Variants in CFAP299 observed in about 807,000 individuals in gnomAD.
CFAP299 encodes the protein cilia- and flagella-associated protein 299.
A neutral mutation model predicts 27.0 loss-of-function variants in CFAP299; 21 were observed. That is an observed-to-expected ratio of 0.78 (90% CI 0.55 to 1.12). The LOEUF (loss-of-function observed/expected upper bound fraction) is 1.12, where lower values mean the gene tolerates loss of function less well. Ranked by LOEUF, CFAP299 falls within the 50% of genes most tolerant of loss-of-function variation. The probability of loss-of-function intolerance (pLI) is 0.00; values close to 1 mark genes in which losing one functional copy is unlikely to be tolerated. For synonymous variants in CFAP299, 104 were observed against 98.1 expected (o/e 1.06, Z -0.36); for missense variants, 310 against 276.6 (o/e 1.12, Z -0.86).
chr4:80,414,570 C>T (rs915350824), intron 2 of CFAP299, among the ~76,000 whole-genome samples: 5 of 152,108 alleles, frequency 3.3e-5, no homozygotes, highest in African/African-American at 9.7e-5. Flanking sequence ...ATTTTCAAAG[C>T]GTTTTGTTGT....
intron 4 of CFAP299, among the ~76,000 whole-genome samples, chr4:80,901,168 G>A (rs899466108): frequency 5.3e-5 from 8 of 152,090 alleles, no homozygotes; most frequent in East Asian, 3.8e-4. Context: ...GTGCACAGGC[G>A]TTATGGAGGG....
In CFAP299 at chr4:80,390,938, T is replaced by TGTATATATGTATAC. The variant is rs1202189489; in HGVS notation, c.242+28054_242+28055insGTATATATGTATAC. Among the ~76,000 whole-genome samples, 24 of 32,940 alleles carry TGTATATATGTATAC rather than the reference T, an allele frequency of 7.3e-4. 1 individual carries two copies. The highest frequency in any genetic ancestry group is 1.3e-3 in the Admixed American group (3 of 2,366). The allele number at this position is 32,940 out of a possible 152,430, so 21.6% of individuals were successfully genotyped here. ...ATACACACATATGTATATATGTATA[T>TGTATATATGTATAC]ATGTATGTACACACATGTATATATG... On this transcript the variant is annotated intron_variant, in intron 2 of 5. Coordinates refer to ENST00000358105, the MANE Select transcript of CFAP299 (RefSeq NM_152770.3).
At chr4:80,534,161 A>T (rs922232247) in intron 2 of CFAP299, among the ~76,000 whole-genome samples, 1 of 151,908 alleles carries the variant, frequency 6.6e-6, no homozygotes, top group African/African-American at 2.4e-5. Flanking sequence ...AGGGAATTTT[A>T]TTTTTCTTAT....
At chr4:80,539,645 G>A (rs1733908220) in intron 2 of CFAP299, among the ~76,000 whole-genome samples, 1 of 152,160 alleles carries the variant, frequency 6.6e-6, no homozygotes, top group South Asian at 2.1e-4. Context: ...TGGAGAATTT[G>A]TAATATGATT....
At chr4:80,521,561 A>G (rs557973082) in intron 2 of CFAP299, among the ~76,000 whole-genome samples, 69 of 152,124 alleles carry the variant, frequency 4.5e-4, no homozygotes, top group Non-Finnish European at 6.5e-4. Flanking sequence ...AGCAGATCCT[A>G]AAACTTTATC....
chr4:80,749,060 C>T (rs187730012), intron 3 of CFAP299, among the ~76,000 whole-genome samples: 144 of 152,248 alleles, frequency 9.5e-4, no homozygotes, highest in African/African-American at 3.4e-3. Flanking sequence ...ATTATATAGG[C>T]AGCATTTCTA....
chr4:80,781,220 T>G (rs1240269147), intron 3 of CFAP299, among the ~76,000 whole-genome samples: 1 of 152,034 alleles, frequency 6.6e-6, no homozygotes, highest in African/African-American at 2.4e-5. Flanking sequence ...CGTGGAAAAT[T>G]TTGTCTTTAT....
chr4:80,791,301 C>T (rs1386298511), intron 3 of CFAP299, among the ~76,000 whole-genome samples: 1 of 151,864 alleles, frequency 6.6e-6, no homozygotes, highest in African/African-American at 2.4e-5. Context: ...GATACGAATT[C>T]TAGCTGTTTT....
intron 2 of CFAP299, among the ~76,000 whole-genome samples, chr4:80,389,738 T>C (rs1244022702): frequency 1.3e-5 from 2 of 152,216 alleles, no homozygotes; most frequent in East Asian, 3.8e-4. Flanking sequence ...TAAAAATAGC[T>C]AACCTTATTG....
chr4:80,575,457 C>T (rs1255795184), intron 2 of CFAP299, among the ~76,000 whole-genome samples: 7 of 151,972 alleles, frequency 4.6e-5, no homozygotes, highest in Admixed American at 4.6e-4. Flanking sequence ...TCCCAGGTAG[C>T]TGGGACTACA....
chr4:80,396,836 TTC>T (rs1392927487), intron 2 of CFAP299, among the ~76,000 whole-genome samples: 3 of 152,214 alleles, frequency 2.0e-5, no homozygotes, highest in Non-Finnish European at 2.9e-5. Context: ...TGGTCTAAAA[TTC>T]TCTTTTTTTG....
chr4:80,484,239 G>A lies in CFAP299; in HGVS notation c.243-98854G>A, dbSNP rs191488767. ...TGAGTACTTCTAATATTATTTTTCCGGCCTCTGAATTAGCATATAACTTTT... is the reference window on the plus strand; with the variant it reads ...TGAGTACTTCTAATATTATTTTTCCAGCCTCTGAATTAGCATATAACTTTT... On this transcript the variant is annotated intron_variant, in intron 2 of 5. Transcript: ENST00000358105. Among the ~76,000 whole-genome samples the A allele has an allele frequency of 4.7e-4, 71 of 151,928 alleles. 1 individual carries two copies. The highest frequency in any genetic ancestry group is 1.5e-4 in the Non-Finnish European group (10 of 67,896).
rs3038546 is a variant in CFAP299, at chr4:80,931,145, AAGTGAGTGAGTGAGTG to A, written c.477-13635_477-13620del. On this transcript the variant is annotated intron_variant, in intron 4 of 5. Coordinates refer to ENST00000358105, the MANE Select transcript of CFAP299 (RefSeq NM_152770.3). ...TTTAAATGAGAAAAGACATAATAAT[AAGTGAGTGAGTGAGTG>A]AGTGAGTGAGTGAGTGAGTGAGTGA... Among the ~76,000 whole-genome samples the A allele has an allele frequency of 3.4e-3, 453 of 135,162 alleles. 1 individual carries two copies. The highest frequency in any genetic ancestry group is 0.011 in the African/African-American group (429 of 39,560). The allele number at this position is 135,162 out of a possible 152,430, so 88.7% of individuals were successfully genotyped here.
intron 4 of CFAP299, among the ~76,000 whole-genome samples, chr4:80,936,168 G>A (rs1736877231): frequency 2.0e-5 from 3 of 152,064 alleles, no homozygotes. Context: ...TGGAGAAATG[G>A]GAATGCATAT....
At chr4:80,949,080 T>A (rs983283810) in intron 5 of CFAP299, among the ~76,000 whole-genome samples, 6 of 152,130 alleles carry the variant, frequency 3.9e-5, no homozygotes, top group Non-Finnish European at 5.9e-5. Context: ...ATTTAAACTA[T>A]CTCAAATTAA....
intron 4 of CFAP299, among the ~76,000 whole-genome samples, chr4:80,935,106 CT>C (rs1393268695): frequency 2.0e-5 from 3 of 151,748 alleles, no homozygotes; most frequent in Admixed American, 2.0e-4. Flanking sequence ...TTTTATTTAG[CT>C]TTTGGTTTCT....
rs532142753 is a variant in CFAP299 at position 80,475,702 on chromosome 4, A to G, written c.243-107391A>G. Among the ~76,000 whole-genome samples, 17 of 152,350 alleles carry G rather than the reference A, an allele frequency of 1.1e-4. 1 individual carries two copies. The highest frequency in any genetic ancestry group is 3.8e-4 in the African/African-American group (16 of 41,576). ...TTGATATCTGAGTTTGAAACTCAATATAAAGTCAGGGTTAGAGTTGTACGT... is the reference window on the plus strand; with the variant it reads ...TTGATATCTGAGTTTGAAACTCAATGTAAAGTCAGGGTTAGAGTTGTACGT... On this transcript the variant is annotated intron_variant, in intron 2 of 5. Coordinates refer to ENST00000358105, the MANE Select transcript of CFAP299 (RefSeq NM_152770.3).
chr4:80,459,175 A>C (rs1729317956), intron 2 of CFAP299, among the ~76,000 whole-genome samples: 1 of 152,020 alleles, frequency 6.6e-6, no homozygotes, highest in African/African-American at 2.4e-5. Context: ...TTTTTTGTAG[A>C]GATAGGGTCT....
chr4:80,692,783 T>C (rs1258655107), intron 3 of CFAP299, among the ~76,000 whole-genome samples: 3 of 152,128 alleles, frequency 2.0e-5, no homozygotes, highest in African/African-American at 4.8e-5. Context: ...GAGAAAATTT[T>C]CGCAACCTAC....
Sources: gnomAD v4.1 joint callset for allele counts (sites outside exome capture counted in the v4.1 genomes callset) on GRCh38, gnomAD v4.1.1 for gene constraint, MANE v1.5 for transcripts, NCBI Gene and HGNC (gene_info 2026-07-23, HGNC 2026-07-21) for gene names.